Variants in LONP2 observed in about 807,000 individuals in gnomAD.
LONP2 encodes the protein lon peptidase 2, peroxisomal.
LONP2 carries 60 observed loss-of-function variants against 85.6 expected under a neutral mutation model. That is an observed-to-expected ratio of 0.70 (90% CI 0.57 to 0.87). The LOEUF (loss-of-function observed/expected upper bound fraction) is 0.87, where lower values mean the gene tolerates loss of function less well. Ranked by LOEUF, LONP2 falls within the 40% of genes least tolerant of loss-of-function variation. The probability of loss-of-function intolerance (pLI) is 0.00; values close to 1 mark genes in which losing one functional copy is unlikely to be tolerated. For synonymous variants in LONP2, 395 were observed against 389.7 expected, an observed-to-expected ratio of 1.01 and a Z score of -0.16; for missense variants, 860 against 1,063.5, an observed-to-expected ratio of 0.81 and a Z score of 2.66.
chr16:48,357,600 C>A (rs920500980), downstream of LONP2, among the ~76,000 whole-genome samples: 41 of 152,134 alleles, frequency 2.7e-4, no homozygotes, highest in African/African-American at 8.2e-4. Flanking sequence ...ACAGACTGAC[C>A]CCCCAGGTAT....
At chr16:48,331,816 G>A (rs894139010) in intron 11 of LONP2, among the ~76,000 whole-genome samples, 14 of 152,130 alleles carry the variant, frequency 9.2e-5, no homozygotes, top group Admixed American at 8.5e-4. Context: ...CACGCGCCTC[G>A]GCCTCCCAAA....
Position 48,303,228 on chromosome 16 carries a change from G to A in LONP2, c.1718G>A (p.Arg573Gln). 1 of 1,614,116 alleles carries A rather than the reference G, an allele frequency of 6.2e-7. No individual in the cohort carries two copies. Among genetic ancestry groups the A allele is most frequent in the Non-Finnish European group, 8.5e-7 (1 of 1,180,014 alleles). The change falls in exon 11 of 15, where the codon CGA becomes CAA. Residue 573 changes from arginine (R) to glutamine (Q), a missense_variant. Physicochemically the swap from Arg to Gln is conservative, Grantham distance 43 (BLOSUM62 1). This residue lies in a region of LONP2 where 743 missense variants were observed against 917.3 expected (regional missense o/e 0.81). Coordinates refer to ENST00000285737, the MANE Select transcript of LONP2 (RefSeq NM_031490.5). Reference protein sequence around the residue: ...SLDRKLGAICRAVAVKVAEGQ... With the variant: ...SLDRKLGAICQAVAVKVAEGQ... ...GATAGAAAACTTGGGGCCATTTGCCGAGCTGTGGCCGTGAAGGTGGCAGAA... is the reference window on the plus strand; with the variant it reads ...GATAGAAAACTTGGGGCCATTTGCCAAGCTGTGGCCGTGAAGGTGGCAGAA...
chr16:48,290,033 T>C (rs747200035), intron 8 of LONP2, among the ~76,000 whole-genome samples: 1 of 152,190 alleles, frequency 6.6e-6, no homozygotes, highest in Non-Finnish European at 1.5e-5. Flanking sequence ...AGGAGGAATC[T>C]AAATCTTTTC....
rs750005138 is a variant in LONP2, at chr16:48,252,128, C to T, written c.234-3C>T. The T allele has an allele frequency of 9.1e-6, 14 of 1,546,200 alleles. No homozygotes were observed. Among genetic ancestry groups the T allele is most frequent in the Non-Finnish European group, 1.2e-5 (14 of 1,140,480 alleles). The stretch of plus-strand genomic sequence containing the variant: ...TAATACCGATGTTTTGTGTGTTTTT[C>T]AGGATTGGCACAGCTGCACTGGCCG... On this transcript the variant is annotated splice_polypyrimidine_tract_variant and splice_region_variant and intron_variant, in intron 1 of 14. Transcript: ENST00000285737.
At chr16:48,297,952 C>T (rs1395017307) in intron 9 of LONP2, among the ~76,000 whole-genome samples, 2 of 152,200 alleles carry the variant, frequency 1.3e-5, no homozygotes, top group African/African-American at 4.8e-5. Context: ...CCCACCTTGG[C>T]CTCCCAATAT....
At chr16:48,361,484 C>A, downstream of LONP2, 14 of 1,256,852 alleles carry the variant, frequency 1.1e-5, no homozygotes, top group Non-Finnish European at 1.6e-5. Context: ...TAGCTTCCAC[C>A]TACCGAAAGA....
intron 4 of LONP2, among the ~76,000 whole-genome samples, chr16:48,259,350 C>T (rs1405985962): frequency 1.3e-5 from 2 of 152,164 alleles, no homozygotes; most frequent in Admixed American, 6.5e-5. Flanking sequence ...TGACTCAACA[C>T]CACTAATTAA....
chr16:48,248,251 G>T (rs1351368417), intron 1 of LONP2, among the ~76,000 whole-genome samples: 1 of 150,126 alleles, frequency 6.7e-6, no homozygotes, highest in African/African-American at 2.5e-5. Context: ...CCTCCTGAGT[G>T]TCTGGGATTA....
At chr16:48,289,212 G>A (rs1333040834) in intron 8 of LONP2, among the ~76,000 whole-genome samples, 2 of 152,160 alleles carry the variant, frequency 1.3e-5, no homozygotes, top group African/African-American at 4.8e-5. Flanking sequence ...ATTTGGCCAA[G>A]GTTGAGGACG....
rs1293147586 is a variant in LONP2 at position 48,261,468 on chromosome 16, T to C, written c.768T>C (p.Gly256=). 10 of 1,609,462 alleles carry C rather than the reference T, an allele frequency of 6.2e-6. No homozygotes were observed. Among genetic ancestry groups the C allele is most frequent in the Non-Finnish European group, 7.6e-6 (9 of 1,177,532 alleles). The change falls in exon 5 of 15, where the codon GGT becomes GGC. Residue 256 remains glycine (G), a synonymous_variant. Coordinates refer to ENST00000285737, the MANE Select transcript of LONP2 (RefSeq NM_031490.5). ...TTAGGAGAATTACACATATCTCAGG[T>C]ACTTTAGAAGATGAAGATGAAGATG... ...RPIRRITHIS[G]TLEDEDEDED... is the part of the protein sequence containing the mutation.
chr16:48,346,255 T>A (rs1959960722), intron 12 of LONP2, among the ~76,000 whole-genome samples: 1 of 152,196 alleles, frequency 6.6e-6, no homozygotes, highest in Non-Finnish European at 1.5e-5. Context: ...CCTGTTTGGA[T>A]TAGTGCTTAG....
intron 12 of LONP2, among the ~76,000 whole-genome samples, chr16:48,340,561 T>G (rs1041013342): frequency 5.9e-5 from 9 of 152,214 alleles, no homozygotes; most frequent in Admixed American, 3.3e-4. Context: ...AACTGGCAGT[T>G]GGGAAGTAAG....
chr16:48,322,734 T>A (rs28673009), intron 11 of LONP2, among the ~76,000 whole-genome samples: 2,400 of 151,958 alleles, frequency 0.016, 61 homozygotes, highest in African/African-American at 0.054. Flanking sequence ...GAATAAAAAA[T>A]TTTTTTTAAA....
At chr16:48,260,714 TAGAG>T (rs1219008541) in intron 4 of LONP2, among the ~76,000 whole-genome samples, 3 of 152,242 alleles carry the variant, frequency 2.0e-5, no homozygotes, top group Non-Finnish European at 2.9e-5. Flanking sequence ...TAACATATGA[TAGAG>T]AGATCATAGA....
At chr16:48,297,540 C>T (rs578024399) in intron 9 of LONP2, among the ~76,000 whole-genome samples, 1 of 152,254 alleles carries the variant, frequency 6.6e-6, no homozygotes, top group East Asian at 1.9e-4. Flanking sequence ...GAACTCCTGA[C>T]CTTAGGTGAT....
At chr16:48,301,259 C>T (rs560866655) in intron 10 of LONP2, among the ~76,000 whole-genome samples, 222 of 152,342 alleles carry the variant, frequency 1.5e-3, no homozygotes, top group African/African-American at 5.0e-3. Context: ...TGCTTGAATA[C>T]TTCCAGTCCC....
At chr16:48,359,439 G>A (rs1002892323), downstream of LONP2, among the ~76,000 whole-genome samples, 7 of 152,112 alleles carry the variant, frequency 4.6e-5, no homozygotes, top group Non-Finnish European at 8.8e-5. Context: ...AAATGGCTAC[G>A]CAAGGCCGGG....
intron 1 of LONP2, 56 bp from the exon 2 acceptor site, chr16:48,252,075 G>C: frequency 1.6e-6 from 2 of 1,286,086 alleles, no homozygotes; most frequent in Non-Finnish European, 2.1e-6. Flanking sequence ...TCTGAAGTGA[G>C]TTTCTGTTCT....
intron 7 of LONP2, among the ~76,000 whole-genome samples, chr16:48,271,072 C>T (rs1043944694): frequency 1.1e-4 from 16 of 152,134 alleles, no homozygotes; most frequent in African/African-American, 2.7e-4. Context: ...CCCAGCTACT[C>T]AGGAGGCTGA....
Sources: allele counts gnomAD v4.1 joint callset (sites outside exome capture counted in the v4.1 genomes callset), GRCh38; gene constraint gnomAD v4.1.1; regional missense constraint gnomAD v4.1.1; transcripts MANE v1.5; gene names NCBI Gene and HGNC (gene_info 2026-07-23, HGNC 2026-07-21).